Variants in CHID1 observed in about 807,000 individuals in gnomAD.
CHID1 encodes the protein chitinase domain-containing protein 1.
A neutral mutation model predicts 55.4 loss-of-function variants in CHID1; 44 were observed. The observed-to-expected ratio is 0.79, with a 90% CI of 0.62 to 1.02. The LOEUF (loss-of-function observed/expected upper bound fraction) is 1.02, where lower values mean the gene tolerates loss of function less well. CHID1 is among the 50% of genes least tolerant of loss of function. The pLI is 0.00. For synonymous variants in CHID1, 216 were observed against 212.9 expected, an observed-to-expected ratio of 1.01 and a Z score of -0.13; for missense variants, 491 against 515.3, an observed-to-expected ratio of 0.95 and a Z score of 0.46.
intron 8 of CHID1, among the ~76,000 whole-genome samples, chr11:891,983 A>G (rs7946611): frequency 0.42 from 62,835 of 148,926 alleles, 14,569 homozygotes; most frequent in Admixed American, 0.52. Flanking sequence ...GGGTGTGGTG[A>G]CATGTGCCTG....
chr11:875,075 A>C lies in CHID1; in HGVS notation c.960-4576T>G, dbSNP rs1421249563. Among the ~76,000 whole-genome samples, 1 of 152,202 alleles carries C rather than the reference A, an allele frequency of 6.6e-6. No individual in the cohort carries two copies. Among genetic ancestry groups the C allele is most frequent in the Admixed American group, 6.5e-5 (1 of 15,282 alleles). ...CTGGCTGGTGGGAGGAGGGGCTTGC[A>C]GGCTCGGGCCAGGGCTGCTGTGAGC... is the stretch of plus-strand genomic sequence containing the variant. On this transcript the variant is annotated intron_variant, in intron 10 of 12. Coordinates refer to ENST00000323578, the MANE Select transcript of CHID1 (RefSeq NM_023947.4). This position sits in a 1 kb window ranked among gnomAD's most constrained non-coding sequence, Gnocchi z 4.7.
In CHID1 at chr11:869,578, G is replaced by A; in HGVS notation, c.*280C>T. On this transcript the variant is annotated 3_prime_UTR_variant, in exon 13 of 13. Transcript: ENST00000323578. Reference sequence around the variant, plus strand: ...AGGCCTGAGCCAGGCTGTCCTGGTGGGGCAGGTACTGTGGGCCCCGCCTGC... The same window carrying A: ...AGGCCTGAGCCAGGCTGTCCTGGTGAGGCAGGTACTGTGGGCCCCGCCTGC... The A allele has an allele frequency of 3.7e-6, 2 of 547,862 alleles. No homozygotes were observed. Among genetic ancestry groups the A allele is most frequent in the South Asian group, 4.4e-5 (2 of 45,638 alleles). 33.9% of individuals were successfully genotyped at this position (547,862 alleles called of 1,614,324 possible).
chr11:869,821 A>G lies in CHID1; in HGVS notation c.*37T>C. 2 of 1,578,904 alleles carry G rather than the reference A, an allele frequency of 1.3e-6. No individual in the cohort carries two copies. The highest frequency in any genetic ancestry group is 2.2e-5 in the South Asian group (2 of 90,392). ...CCTGCTCACTCACTCCATGGCTTAG[A>G]AAAGAACACGTCCACCGCGGAGGCC... is the stretch of plus-strand genomic sequence containing the variant. On this transcript the variant is annotated 3_prime_UTR_variant, in exon 13 of 13. Transcript: ENST00000323578.
At chr11:902,042 CTCACAT>C in intron 4 of CHID1, 150 bp downstream of exon 4, 1 of 758,786 alleles carries the variant, frequency 1.3e-6, no homozygotes, top group Non-Finnish European at 2.2e-6. Context: ...CACTTACACA[CTCACAT>C]TCACACTTAA....
At chr11:891,383 C>A (rs113464001) in intron 8 of CHID1, among the ~76,000 whole-genome samples, 5 of 152,216 alleles carry the variant, frequency 3.3e-5, no homozygotes, top group Non-Finnish European at 7.3e-5. Context: ...CCCCCACCAG[C>A]GCCATGCAAA....
At chr11:897,206 C>T (rs1474159801) in intron 7 of CHID1, among the ~76,000 whole-genome samples, 3 of 146,016 alleles carry the variant, frequency 2.1e-5, no homozygotes, top group African/African-American at 7.7e-5. Flanking sequence ...GTCTCAGCAC[C>T]CCCAGCCTCC....
Position 909,335 on chromosome 11 carries a change from G to A in CHID1, c.-44+1440C>T, listed in dbSNP as rs114764211. Among the ~76,000 whole-genome samples, 754 of 152,320 alleles carry A rather than the reference G, an allele frequency of 5.0e-3. 9 individuals carry two copies. Among genetic ancestry groups the A allele is most frequent in the African/African-American group, 0.017 (700 of 41,558 alleles). On this transcript the variant is annotated intron_variant, in intron 1 of 12. Coordinates refer to ENST00000323578, the MANE Select transcript of CHID1 (RefSeq NM_023947.4). The stretch of plus-strand genomic sequence containing the variant: ...ACCTTCCCTTGGGCAGAACGGCCCC[G>A]CACACAAAGGGAATGTGTTGTGTTA...
At chr11:908,946 G>C (rs1397985305) in intron 1 of CHID1, among the ~76,000 whole-genome samples, 3 of 152,240 alleles carry the variant, frequency 2.0e-5, no homozygotes, top group Non-Finnish European at 2.9e-5. Flanking sequence ...GGGACACTAG[G>C]AGAACCTAAC....
upstream of CHID1, among the ~76,000 whole-genome samples, chr11:913,598 C>G (rs957656006): frequency 6.6e-6 from 1 of 151,810 alleles, no homozygotes; most frequent in Non-Finnish European, 1.5e-5. Context: ...CATGGTGAAA[C>G]CCCATCTCTA....
chr11:906,118 G>A (rs1282099249), intron 1 of CHID1, among the ~76,000 whole-genome samples: 7 of 152,092 alleles, frequency 4.6e-5, no homozygotes, highest in African/African-American at 1.4e-4. Flanking sequence ...TATTTTAATA[G>A]AGATGAGGTT....
At chr11:887,905 G>T (rs1490874561) in intron 8 of CHID1, among the ~76,000 whole-genome samples, 3 of 152,216 alleles carry the variant, frequency 2.0e-5, no homozygotes, top group Non-Finnish European at 4.4e-5. Context: ...CTTGGTAGGT[G>T]AGGCCACGTG....
intron 7 of CHID1, among the ~76,000 whole-genome samples, chr11:894,121 C>CAAAAAAAA (rs58548115): frequency 8.6e-5 from 5 of 58,048 alleles, no homozygotes; most frequent in African/African-American, 3.2e-4. Context: ...GACTCTGTCT[C>CAAAAAAAA]AAAAAAAAAA....
rs150028472 is a variant in CHID1, at chr11:872,550, G to A, written c.960-2051C>T. On this transcript the variant is annotated intron_variant, in intron 10 of 12. Coordinates refer to ENST00000323578, the MANE Select transcript of CHID1 (RefSeq NM_023947.4). Reference sequence around the variant, plus strand: ...ACTGCTGGACCCCTGCCCTCCTGTGGCTGGGCCAGGCCCCTCAATGGCCAC... The same window carrying A: ...ACTGCTGGACCCCTGCCCTCCTGTGACTGGGCCAGGCCCCTCAATGGCCAC... Among the ~76,000 whole-genome samples, 35 of 152,334 alleles carry A rather than the reference G, an allele frequency of 2.3e-4. No individual in the cohort carries two copies. In the Middle Eastern group the frequency reaches 0.01, roughly 44 times the overall value.
chr11:886,592 G>A (rs554846472), intron 8 of CHID1, among the ~76,000 whole-genome samples: 10 of 152,326 alleles, frequency 6.6e-5, no homozygotes, highest in South Asian at 2.1e-4. Flanking sequence ...ATGATGACGC[G>A]CCCCATGGTG....
chr11:886,506 T>C (rs959831231), intron 8 of CHID1, among the ~76,000 whole-genome samples: 1 of 152,204 alleles, frequency 6.6e-6, no homozygotes, highest in Non-Finnish European at 1.5e-5. Flanking sequence ...CAAATGGTTA[T>C]GTTGAAGCCC....
chr11:891,892 C>G (rs1452786187), intron 8 of CHID1, among the ~76,000 whole-genome samples: 3 of 149,686 alleles, frequency 2.0e-5, no homozygotes, highest in Non-Finnish European at 4.4e-5. Flanking sequence ...TCGCTTGAGC[C>G]CAGGAGTTCA....
chr11:883,154 C>T lies in CHID1; in HGVS notation c.953G>A (p.Gly318Glu). 6.2e-7 allele frequency: 1 copy of T among 1,610,226 alleles called. No homozygotes were observed. The highest frequency in any genetic ancestry group is 2.2e-5 in the East Asian group (1 of 44,740). ...GGGAGAGCCCTTGGCTCACCTGGCC[C>T]CGACAACAGGCTCACGGGCATCCTT... is the stretch of plus-strand genomic sequence containing the variant. Reference protein sequence around the residue: ...TSKDAREPVVGARYIQTLKDH... With the variant: ...TSKDAREPVVEARYIQTLKDH... Residue 318 changes from glycine to glutamate, a missense_variant, in exon 10 of 13, where the codon GGG becomes GAG. By Grantham distance (98) the Gly-to-Glu change is moderately conservative (BLOSUM62 -2). Coordinates refer to ENST00000323578, the MANE Select transcript of CHID1 (RefSeq NM_023947.4).
chr11:899,493 A>AG, intron 6 of CHID1, 92 bp from the exon 7 acceptor site: 1 of 1,236,544 alleles, frequency 8.1e-7, no homozygotes, highest in Non-Finnish European at 1.2e-6. Flanking sequence ...CCACATGGTC[A>AG]GGTTGTGGCC....
chr11:895,325 G>A (rs1851180991), intron 7 of CHID1, among the ~76,000 whole-genome samples: 1 of 152,146 alleles, frequency 6.6e-6, no homozygotes, highest in Non-Finnish European at 1.5e-5. Context: ...TCTGTGAGGG[G>A]CCCAGGGAGC....
Sources: gnomAD v4.1 joint callset for allele counts (sites outside exome capture counted in the v4.1 genomes callset) on GRCh38, gnomAD v4.1.1 for gene constraint, Gnocchi (gnomAD v3.1) non-coding constraint, MANE v1.5 for transcripts, NCBI Gene and HGNC (gene_info 2026-07-23, HGNC 2026-07-21) for gene names.